FAM227B: variants seen among roughly 807,000 people sequenced by gnomAD.
FAM227B encodes the protein family with sequence similarity 227 member B.
A neutral mutation model predicts 73.8 loss-of-function variants in FAM227B; 88 were observed. That is an observed-to-expected ratio of 1.19 (90% confidence interval 1.00 to 1.42). The LOEUF (loss-of-function observed/expected upper bound fraction) is 1.42. FAM227B is among the 40% of genes most tolerant of loss of function. The pLI, the probability that FAM227B is intolerant of heterozygous loss-of-function variation, is 0.00. For synonymous variants in FAM227B, 210 were observed against 190.5 expected, an observed-to-expected ratio of 1.10 and a Z score of -0.84; for missense variants, 632 against 590.9, an observed-to-expected ratio of 1.07 and a Z score of -0.72.
chr15:49,513,084 T>A lies in FAM227B; in HGVS notation c.875-4736A>T, dbSNP rs991471234. ...AAACATACATGTGCATGTATCTTTA[T>A]AATAGAATGATTTATATTCCTTTGG... On this transcript the variant is annotated intron_variant, in intron 10 of 15. Transcript: ENST00000299338. Among the ~76,000 whole-genome samples the A allele has an allele frequency of 2.0e-5, 3 of 152,202 alleles. 1 individual carries two copies. The highest frequency in any genetic ancestry group is 7.2e-5 in the African/African-American group (3 of 41,436).
intron 5 of FAM227B, among the ~76,000 whole-genome samples, chr15:49,585,605 C>T (rs2076103824): frequency 6.6e-6 from 1 of 152,030 alleles, no homozygotes; most frequent in Non-Finnish European, 1.5e-5. Flanking sequence ...AAAAACCAAA[C>T]ACTGCATGTT....
chr15:49,527,589 T>G (rs1209475648), intron 10 of FAM227B, among the ~76,000 whole-genome samples: 1 of 151,898 alleles, frequency 6.6e-6, no homozygotes, highest in Non-Finnish European at 1.5e-5. Context: ...TGACATGATC[T>G]TTTACCTAGA....
chr15:49,331,809 GT>G lies in FAM227B; in HGVS notation c.1389del (p.Lys463AsnfsTer52). ...AKATKKPHEV[K>X]QDFEKFLHKL... is the part of the protein sequence containing the mutation. ...TTATGTAGGAACTTCTCAAAGTCCTGTTTCACTTCATGAGGTTTCTTGGTAG... is the reference window on the plus strand; with the variant it reads ...TTATGTAGGAACTTCTCAAAGTCCTGTTCACTTCATGAGGTTTCTTGGTAG... On this transcript the variant is annotated frameshift_variant, in exon 15 of 16. Transcript: ENST00000299338. LOFTEE classifies it low-confidence loss of function (END_TRUNC). 6.2e-7 allele frequency: 1 copy of G among 1,611,132 alleles called. No individual in the cohort carries two copies. The highest frequency in any genetic ancestry group is 8.5e-7 in the Non-Finnish European group (1 of 1,177,396).
At chr15:49,576,574 T>A (rs2152377224) in intron 7 of FAM227B, 167 bp downstream of exon 7, 1 of 564,558 alleles carries the variant, frequency 1.8e-6, no homozygotes, top group Non-Finnish European at 3.1e-6. Context: ...TATATTCTTT[T>A]CTGGTAATTA....
At chr15:49,517,584 G>C (rs1218802845) in intron 10 of FAM227B, among the ~76,000 whole-genome samples, 1 of 152,062 alleles carries the variant, frequency 6.6e-6, no homozygotes, top group African/African-American at 2.4e-5. Context: ...AGCAGTGTAA[G>C]AAAAATCTAT....
intron 11 of FAM227B, among the ~76,000 whole-genome samples, chr15:49,375,914 G>C (rs1377832246): frequency 6.6e-6 from 1 of 152,054 alleles, no homozygotes; most frequent in East Asian, 1.9e-4. Flanking sequence ...AACCTTGACA[G>C]TCTTGACTGG....
intron 11 of FAM227B, among the ~76,000 whole-genome samples, chr15:49,420,612 G>A (rs1446390761): frequency 6.6e-6 from 1 of 152,044 alleles, no homozygotes; most frequent in African/African-American, 2.4e-5. Context: ...GACAGGATAT[G>A]GAACAGAATA....
chr15:49,547,527 G>C (rs2072110435), intron 9 of FAM227B, among the ~76,000 whole-genome samples: 1 of 152,138 alleles, frequency 6.6e-6, no homozygotes, highest in Admixed American at 6.6e-5. Flanking sequence ...GCTGTATTCA[G>C]GAAACCCATC....
intron 3 of FAM227B, among the ~76,000 whole-genome samples, chr15:49,600,959 T>C (rs1255945684): frequency 1.3e-5 from 2 of 149,982 alleles, no homozygotes; most frequent in Middle Eastern, 3.4e-3. Flanking sequence ...GGAGAATCAC[T>C]TGAATCTAGG....
intron 11 of FAM227B, among the ~76,000 whole-genome samples, chr15:49,439,044 G>T (rs1351227447): frequency 6.6e-6 from 1 of 151,752 alleles, no homozygotes; most frequent in African/African-American, 2.4e-5. Context: ...TGGTCTTAGG[G>T]ACTCTTACGA....
intron 9 of FAM227B, among the ~76,000 whole-genome samples, chr15:49,559,210 T>C (rs2074028411): frequency 6.6e-6 from 1 of 152,096 alleles, no homozygotes; most frequent in Admixed American, 6.5e-5. Flanking sequence ...GGTGCAACCA[T>C]CTCAACTCCC....
At chr15:49,480,567 C>T (rs1349399298) in intron 11 of FAM227B, among the ~76,000 whole-genome samples, 3 of 151,078 alleles carry the variant, frequency 2.0e-5, no homozygotes, top group Non-Finnish European at 2.9e-5. Flanking sequence ...CTGCAGCCTC[C>T]GCCTTCTGGG....
chr15:49,358,778 A>T (rs558434784), intron 13 of FAM227B, among the ~76,000 whole-genome samples: 1 of 152,330 alleles, frequency 6.6e-6, no homozygotes, highest in East Asian at 1.9e-4. Context: ...CTGCATCGCC[A>T]AGTCAAACTT....
chr15:49,444,855 CCTAATG>C (rs1412096296), intron 11 of FAM227B, among the ~76,000 whole-genome samples: 1 of 151,624 alleles, frequency 6.6e-6, no homozygotes, highest in African/African-American at 2.4e-5. Flanking sequence ...AAATTTACAA[CCTAATG>C]CATAAAGTTT....
chr15:49,409,476 T>C (rs1213506758), intron 11 of FAM227B, among the ~76,000 whole-genome samples: 1 of 151,208 alleles, frequency 6.6e-6, no homozygotes, highest in Non-Finnish European at 1.5e-5. Flanking sequence ...ACTTGTACTC[T>C]TTTATTACTG....
intron 10 of FAM227B, among the ~76,000 whole-genome samples, chr15:49,516,486 G>A (rs1465578955): frequency 6.6e-6 from 1 of 151,920 alleles, no homozygotes; most frequent in Non-Finnish European, 1.5e-5. Context: ...ACTTCTGATG[G>A]GTTCAGGAAA....
chr15:49,496,631 T>G (rs918583544), intron 11 of FAM227B, among the ~76,000 whole-genome samples: 1 of 152,190 alleles, frequency 6.6e-6, no homozygotes, highest in Non-Finnish European at 1.5e-5. Context: ...AACTATCCAC[T>G]GTGTGTTTAT....
chr15:49,386,039 A>G (rs1444283323), intron 11 of FAM227B, among the ~76,000 whole-genome samples: 2 of 151,946 alleles, frequency 1.3e-5, no homozygotes, highest in Non-Finnish European at 2.9e-5. Flanking sequence ...ATTGACAGCA[A>G]AACAATAATA....
In FAM227B at chr15:49,615,129, C is replaced by G. The variant is rs757063444; in HGVS notation, c.43G>C (p.Gly15Arg). The G allele has an allele frequency of 6.2e-7, 1 of 1,614,028 alleles. No homozygotes were observed. Reference sequence around the variant, plus strand: ...TGTGGAAGCTTCCTTACCCCGGGGCCAGCTCTGCTGCTCCTCCTTTGACAT... The same window carrying G: ...TGTGGAAGCTTCCTTACCCCGGGGCGAGCTCTGCTGCTCCTCCTTTGACAT... ...RTCQRRSSRA[G>R]PGKMQEPPKS... Residue 15 changes from glycine to arginine, a missense_variant, in exon 2 of 16, where the codon GGC (glycine) becomes CGC (arginine). Coordinates refer to ENST00000299338, the MANE Select transcript of FAM227B (RefSeq NM_152647.3).
Sources: allele counts gnomAD v4.1 joint callset (sites outside exome capture counted in the v4.1 genomes callset), GRCh38; gene constraint gnomAD v4.1.1; transcripts MANE v1.5; gene names NCBI Gene and HGNC (gene_info 2026-07-23, HGNC 2026-07-21).